PCSK5: variants seen among roughly 807,000 people sequenced by gnomAD.
The protein encoded by PCSK5 is proprotein convertase subtilisin/kexin type 5.
PCSK5 carries 129 observed loss-of-function variants against 233.2 expected under a neutral mutation model. The observed-to-expected ratio is 0.55, with a 90% confidence interval of 0.48 to 0.64. The LOEUF (loss-of-function observed/expected upper bound fraction) is 0.64, where lower values mean the gene tolerates loss of function less well. PCSK5 is among the 30% of genes least tolerant of loss of function. PCSK5 has a pLI of 0.00. For missense variants in PCSK5, 2,076 were observed against 2,430.1 expected (o/e 0.85, Z 3.06); for synonymous variants, 825 against 879.2 (o/e 0.94, Z 1.09).
At chr9:76,158,420 T>C (rs973612119) in intron 11 of PCSK5, among the ~76,000 whole-genome samples, 2 of 152,114 alleles carry the variant, frequency 1.3e-5, no homozygotes, top group African/African-American at 4.8e-5. Context: ...CCTGATGCCA[T>C]TGTGGCTGCA....
chr9:76,069,841 A>T (rs1040129026), intron 6 of PCSK5, among the ~76,000 whole-genome samples: 2 of 152,122 alleles, frequency 1.3e-5, no homozygotes, highest in Non-Finnish European at 2.9e-5. Flanking sequence ...AAGTAAGAGG[A>T]TGGAGTCGTT....
At chr9:75,934,534 G>T (rs1823960642) in intron 2 of PCSK5, among the ~76,000 whole-genome samples, 1 of 151,702 alleles carries the variant, frequency 6.6e-6, no homozygotes, top group Non-Finnish European at 1.5e-5. Context: ...AGTGTTGGGG[G>T]TTGGGGGAGC....
chr9:76,035,830 G>A (rs1828838750), intron 5 of PCSK5, among the ~76,000 whole-genome samples: 1 of 152,082 alleles, frequency 6.6e-6, no homozygotes, highest in Non-Finnish European at 1.5e-5. Context: ...AAGAGGTAGA[G>A]ACTGAGGCCC....
chr9:75,898,360 C>T (rs892266955), intron 1 of PCSK5, among the ~76,000 whole-genome samples: 1 of 152,172 alleles, frequency 6.6e-6, no homozygotes, highest in Non-Finnish European at 1.5e-5. Flanking sequence ...TCTCCTTTTC[C>T]CTCAGAAGGT....
intron 24 of PCSK5, among the ~76,000 whole-genome samples, chr9:76,261,710 G>A (rs1827179710): frequency 6.6e-6 from 1 of 152,188 alleles, no homozygotes; most frequent in African/African-American, 2.4e-5. Context: ...TCTCCTTGAA[G>A]AGGTCCTTCA....
intron 2 of PCSK5, among the ~76,000 whole-genome samples, chr9:75,954,815 G>T (rs1179261215): frequency 6.6e-6 from 1 of 152,136 alleles, no homozygotes; most frequent in Non-Finnish European, 1.5e-5. Context: ...GCAGTTCTGT[G>T]CTGTCCTTGC....
rs1824371962 is a variant in PCSK5 at position 75,942,773 on chromosome 9, A to G, written c.297+10290A>G. 1.3e-5 allele frequency among the ~76,000 whole-genome samples: 2 copies of G among 152,036 alleles called. 1 individual carries two copies. Among genetic ancestry groups the G allele is most frequent in the East Asian group, 3.9e-4 (2 of 5,182 alleles). On this transcript the variant is annotated intron_variant, in intron 2 of 37. Transcript: ENST00000674117. The stretch of plus-strand genomic sequence containing the variant: ...ATAAAAATAGGAAAAGAGTATGATG[A>G]GGGGAGGCAGGTTATGGATTTTGCA...
At chr9:76,324,864 G>A (rs531629772) in intron 32 of PCSK5, among the ~76,000 whole-genome samples, 7 of 151,964 alleles carry the variant, frequency 4.6e-5, no homozygotes, top group Non-Finnish European at 8.8e-5. Flanking sequence ...AAGCAAACAC[G>A]ACAAGATAGA....
intron 8 of PCSK5, 76 bp from the exon 9 acceptor site, chr9:76,107,175 T>G (rs1832012162): frequency 3.8e-6 from 3 of 796,830 alleles, no homozygotes; most frequent in Non-Finnish European, 6.2e-6. Flanking sequence ...ATTCTATTTT[T>G]ATGAGTATAT....
intron 24 of PCSK5, among the ~76,000 whole-genome samples, chr9:76,244,563 GTTTTTT>G (rs3077122): frequency 4.5e-5 from 3 of 66,746 alleles, no homozygotes; most frequent in Non-Finnish European, 9.7e-5. Flanking sequence ...AAATCCTGGG[GTTTTTT>G]TTTTTTTTTT....
rs977085012 is a variant in PCSK5 at position 76,023,890 on chromosome 9, A to G, written c.555+9A>G. On this transcript the variant is annotated intron_variant, in intron 4 of 37. Transcript: ENST00000674117. ...ATCTGATGCAAAACTACGTGAGTGT[A>G]TGCTGTGGTTAGAAGGTCTTTCCTT... The G allele has an allele frequency of 1.9e-6, 3 of 1,601,786 alleles. No homozygotes were observed. The highest frequency in any genetic ancestry group is 2.6e-6 in the Non-Finnish European group (3 of 1,174,228).
At chr9:75,923,228 C>G (rs1338860571) in intron 1 of PCSK5, among the ~76,000 whole-genome samples, 1 of 152,150 alleles carries the variant, frequency 6.6e-6, no homozygotes, top group Non-Finnish European at 1.5e-5. Context: ...GGTTTAGAGT[C>G]AGTTTCCTTG....
chr9:76,033,015 AGC>A (rs1828711780), intron 5 of PCSK5, among the ~76,000 whole-genome samples: 1 of 152,188 alleles, frequency 6.6e-6, no homozygotes, highest in South Asian at 2.1e-4. Context: ...GATTCAAGGA[AGC>A]TTTAACCAGG....
rs138821687 is a variant in PCSK5, at chr9:76,244,841, G to A, written c.3142+4157G>A. ...AAGGATTTTTTAAATTATGAGATTC[G>A]ATTTCTCTTCTTTGTCAAGTTGTAA... On this transcript the variant is annotated intron_variant, in intron 24 of 37. Coordinates refer to ENST00000674117, the MANE Select transcript of PCSK5 (RefSeq NM_001372043.1). Among the ~76,000 whole-genome samples, 1,216 of 152,054 alleles carry A rather than the reference G, an allele frequency of 8.0e-3. 12 individuals are homozygous for A. Among genetic ancestry groups the A allele is most frequent in the African/African-American group, 0.028 (1,150 of 41,440 alleles).
At chr9:76,093,582 T>TATACACACACAC (rs375899150) in intron 7 of PCSK5, among the ~76,000 whole-genome samples, 41 of 149,932 alleles carry the variant, frequency 2.7e-4, no homozygotes, top group African/African-American at 9.8e-4. Context: ...TATATATATA[T>TATACACACACAC]ACACACACAC....
chr9:76,111,697 A>G (rs1416550), intron 9 of PCSK5, among the ~76,000 whole-genome samples: 2,565 of 152,244 alleles, frequency 0.017, 68 homozygotes, highest in African/African-American at 0.058. Context: ...GTCTTTTTAC[A>G]TAGCCTAACT....
At chr9:76,322,230 G>T (rs1304343261) in intron 31 of PCSK5, among the ~76,000 whole-genome samples, 1 of 152,290 alleles carries the variant, frequency 6.6e-6, no homozygotes, top group African/African-American at 2.4e-5. Flanking sequence ...GATTACAAGC[G>T]TGAGGCACCA....
intron 7 of PCSK5, among the ~76,000 whole-genome samples, chr9:76,092,959 G>A (rs923644864): frequency 6.6e-6 from 1 of 150,758 alleles, no homozygotes; most frequent in Admixed American, 6.6e-5. Context: ...ACATAAAAAA[G>A]AAAATAAAAA....
intron 10 of PCSK5, among the ~76,000 whole-genome samples, chr9:76,148,371 C>A (rs1008606199): frequency 9.9e-6 from 1 of 100,524 alleles, no homozygotes; most frequent in African/African-American, 3.9e-5. Context: ...CCCTCTCTCT[C>A]CCTCTCTCCT....
Sources: gnomAD v4.1 joint callset for allele counts (sites outside exome capture counted in the v4.1 genomes callset) on GRCh38, gnomAD v4.1.1 for gene constraint, MANE v1.5 for transcripts, NCBI Gene and HGNC (gene_info 2026-07-23, HGNC 2026-07-21) for gene names.